Variants in RALGPS1 observed in about 807,000 individuals in gnomAD.
RALGPS1 encodes the protein ras-specific guanine nucleotide-releasing factor RalGPS1.
RALGPS1 carries 19 observed loss-of-function variants against 78.8 expected under a neutral mutation model. The ratio of observed to expected loss-of-function variants is 0.24; its 90% CI spans 0.17 to 0.35. The LOEUF is 0.35. Ranked by LOEUF, RALGPS1 falls within the 10% of genes least tolerant of loss-of-function variation. The pLI is 1.00. For missense variants in RALGPS1, 454 were observed against 688.3 expected (o/e 0.66, Z 3.81); for synonymous variants, 228 against 256.3 (o/e 0.89, Z 1.06).
At chr9:127,154,025 AC>A (rs987649995) in intron 8 of RALGPS1, among the ~76,000 whole-genome samples, 1 of 152,076 alleles carries the variant, frequency 6.6e-6, no homozygotes, top group Non-Finnish European at 1.5e-5. Flanking sequence ...TCTGAAGCTG[AC>A]CCCAGCCAGT....
At chr9:127,190,991 G>GTTAA (rs2060997305) in intron 11 of RALGPS1, among the ~76,000 whole-genome samples, 2 of 152,084 alleles carry the variant, frequency 1.3e-5, no homozygotes, top group African/African-American at 4.8e-5. Flanking sequence ...TACCAGTGGG[G>GTTAA]TTAAGCGTCT....
At chr9:127,022,422 A>T (rs2045546061) in intron 4 of RALGPS1, among the ~76,000 whole-genome samples, 1 of 151,734 alleles carries the variant, frequency 6.6e-6, no homozygotes, top group African/African-American at 2.4e-5. Context: ...GCTCTCCCTC[A>T]TGGCATCAGG....
In RALGPS1 at chr9:127,002,757, CCTTA is replaced by C. The variant is rs776454766; in HGVS notation, c.216+25014_216+25017del. Among the ~76,000 whole-genome samples, 502 of 152,030 alleles carry C rather than the reference CCTTA, an allele frequency of 3.3e-3. 2 individuals carry two copies. The highest frequency in any genetic ancestry group is 5.4e-3 in the Admixed American group (82 of 15,276). On this transcript the variant is annotated intron_variant, in intron 4 of 18. Transcript: ENST00000259351. Reference sequence around the variant, plus strand: ...TGATGATTTCCAATTTCATCCATGTCCTTACAAAGGACATGAACTCATCATTTTT... The same window carrying C: ...TGATGATTTCCAATTTCATCCATGTCCAAAGGACATGAACTCATCATTTTT...
intron 14 of RALGPS1, chr9:127,210,792 C>A: frequency 6.5e-7 from 1 of 1,543,536 alleles, no homozygotes; most frequent in Non-Finnish European, 8.8e-7. Context: ...TTCATGTGTT[C>A]ATGTGTTCAT....
At chr9:126,940,693 G>T (rs1206918792) in intron 1 of RALGPS1, among the ~76,000 whole-genome samples, 4 of 151,998 alleles carry the variant, frequency 2.6e-5, no homozygotes, top group Non-Finnish European at 2.9e-5. Flanking sequence ...CGTCGAACAG[G>T]TATATTCTTA....
chr9:126,949,199 A>G (rs1368001482), intron 1 of RALGPS1, among the ~76,000 whole-genome samples: 1 of 152,132 alleles, frequency 6.6e-6, no homozygotes, highest in Non-Finnish European at 1.5e-5. Context: ...CATTTTCTTA[A>G]TCCAGTCTAT....
At chr9:127,039,878 A>G (rs78136782) in intron 5 of RALGPS1, among the ~76,000 whole-genome samples, 9,813 of 152,238 alleles carry the variant, frequency 0.064, 1,021 homozygotes, top group African/African-American at 0.22. Flanking sequence ...GACTCTGGAA[A>G]TACAGCAAGA....
At chr9:126,946,884 C>T (rs185931827) in intron 1 of RALGPS1, among the ~76,000 whole-genome samples, 2 of 152,332 alleles carry the variant, frequency 1.3e-5, no homozygotes, top group Admixed American at 1.3e-4. Flanking sequence ...CTGGTGGCTG[C>T]AGGGGAGGAT....
intron 3 of RALGPS1, among the ~76,000 whole-genome samples, chr9:126,967,897 C>T (rs1054492421): frequency 3.9e-5 from 6 of 152,058 alleles, no homozygotes; most frequent in Non-Finnish European, 5.9e-5. Context: ...TTTCTAAGGA[C>T]GGGAACTTAT....
rs375029601 is a variant in RALGPS1 at position 127,151,349 on chromosome 9, A to G, written c.611-14720A>G. Among the ~76,000 whole-genome samples, 184 of 152,290 alleles carry G rather than the reference A, an allele frequency of 1.2e-3. 4 individuals are homozygous for G. The South Asian group carries it at 0.037, about 31-fold the overall frequency. On this transcript the variant is annotated intron_variant, in intron 8 of 18. Coordinates refer to ENST00000259351, the MANE Select transcript of RALGPS1 (RefSeq NM_014636.3). ...CCTATCTCTTTGGGTCTTTATATCT[A>G]AGTACCATAATTACTAAGGGAAAAT...
chr9:127,097,056 C>G (rs931715667), intron 8 of RALGPS1, among the ~76,000 whole-genome samples: 1 of 152,208 alleles, frequency 6.6e-6, no homozygotes, highest in Non-Finnish European at 1.5e-5. Context: ...ATGAGGGATC[C>G]ATGCTGACTT....
intron 3 of RALGPS1, among the ~76,000 whole-genome samples, chr9:126,971,366 A>AT (rs3052974): frequency 0.022 from 3,249 of 148,740 alleles, 109 homozygotes; most frequent in African/African-American, 0.072. Flanking sequence ...CTAAAGACAT[A>AT]TTTTTTTTTT....
intron 1 of RALGPS1, among the ~76,000 whole-genome samples, chr9:126,938,042 A>C (rs2036421614): frequency 6.6e-6 from 1 of 152,324 alleles, no homozygotes; most frequent in African/African-American, 2.4e-5. Context: ...GAAGATACCT[A>C]ATGTTAAAAT....
chr9:127,132,944 A>G lies in RALGPS1; in HGVS notation c.611-33125A>G, dbSNP rs988460911. On this transcript the variant is annotated intron_variant, in intron 8 of 18. Transcript: ENST00000259351. ...GCTCTGGAACCAGACTTTTAGGTCC[A>G]AATCCCAGCCCCACTGCATGCTAGC... Among the ~76,000 whole-genome samples the G allele has an allele frequency of 2.8e-4, 43 of 152,246 alleles. 1 individual carries two copies. The highest frequency in any genetic ancestry group is 1.2e-4 in the Non-Finnish European group (8 of 68,044).
intron 4 of RALGPS1, among the ~76,000 whole-genome samples, chr9:127,031,092 G>A (rs1374029573): frequency 6.6e-6 from 1 of 152,192 alleles, no homozygotes; most frequent in African/African-American, 2.4e-5. Flanking sequence ...GGGTAGCTCA[G>A]TGGCTCACCA....
intron 1 of RALGPS1, among the ~76,000 whole-genome samples, chr9:126,915,777 C>T (rs1193195126): frequency 9.1e-6 from 1 of 109,860 alleles, no homozygotes; most frequent in Non-Finnish European, 1.9e-5. Flanking sequence ...TGCCAGGATG[C>T]GGGGGGCGGG....
chr9:127,195,435 C>G (rs952497137), intron 12 of RALGPS1, among the ~76,000 whole-genome samples: 1 of 152,206 alleles, frequency 6.6e-6, no homozygotes, highest in African/African-American at 2.4e-5. Context: ...CTCCACACCA[C>G]CGACAGGTGT....
intron 8 of RALGPS1, among the ~76,000 whole-genome samples, chr9:127,085,071 T>C (rs1015938567): frequency 6.6e-6 from 1 of 152,194 alleles, no homozygotes; most frequent in African/African-American, 2.4e-5. Context: ...TGTGAAGGTT[T>C]CTCTTTCAGT....
chr9:126,933,088 T>G (rs1387121384), intron 1 of RALGPS1, among the ~76,000 whole-genome samples: 2 of 151,790 alleles, frequency 1.3e-5, no homozygotes, highest in East Asian at 3.9e-4. Context: ...CTGAGAAGAA[T>G]GAAGAGGAAG....
Sources: gnomAD v4.1 joint callset for allele counts (sites outside exome capture counted in the v4.1 genomes callset) on GRCh38, gnomAD v4.1.1 for gene constraint, MANE v1.5 for transcripts, NCBI Gene and HGNC (gene_info 2026-07-23, HGNC 2026-07-21) for gene names.